The following SOX6 variants were observed in gnomAD, a reference collection of about 807,000 sequenced individuals.
The protein encoded by SOX6 is SRY-box transcription factor 6.
SOX6 carries 11 observed loss-of-function variants against 97.8 expected under a neutral mutation model. The observed-to-expected ratio is 0.11, with a 90% CI of 0.07 to 0.19. The LOEUF (loss-of-function observed/expected upper bound fraction) is 0.19. Ranked by LOEUF, SOX6 falls within the 10% of genes least tolerant of loss-of-function variation. The pLI is 1.00. For missense variants in SOX6, 810 were observed against 1,039.5 expected (o/e 0.78, Z 3.04); for synonymous variants, 360 against 371.4 (o/e 0.97, Z 0.35).
intron 4 of SOX6, among the ~76,000 whole-genome samples, chr11:16,574,677 A>G (rs1847966184): frequency 6.6e-6 from 1 of 152,214 alleles, no homozygotes; most frequent in South Asian, 2.1e-4. Flanking sequence ...CCAAAATGGA[A>G]GAAGATATCT....
intron 2 of SOX6, among the ~76,000 whole-genome samples, chr11:16,328,913 T>C (rs1459779208): frequency 6.6e-6 from 1 of 152,164 alleles, no homozygotes. Flanking sequence ...GAAGCATACA[T>C]AAATTAAAAT....
Position 16,738,408 on chromosome 11 carries a change from T to A in SOX6, n.219+17A>T, listed in dbSNP as rs371075212. ...AAGCCTCCTCCTGTGGCGACAAAGC[T>A]CTCGGCCAACGCTCACCGCCATACA... On this transcript the variant is annotated intron_variant and non_coding_transcript_variant, in intron 1 of 5. Transcript: ENST00000524520. 30 of 288,158 alleles carry A rather than the reference T, an allele frequency of 1.0e-4. No homozygotes were observed. The East Asian group carries it at 2.0e-3, about 19-fold the overall frequency. 17.9% of individuals were successfully genotyped at this position (288,158 alleles called of 1,614,324 possible).
At chr11:16,085,349 A>G (rs1848555569) in intron 9 of SOX6, among the ~76,000 whole-genome samples, 1 of 152,162 alleles carries the variant, frequency 6.6e-6, no homozygotes, top group African/African-American at 2.4e-5. Context: ...TTTAAAGCAG[A>G]CCAAGTGATA....
intron 1 of SOX6, among the ~76,000 whole-genome samples, chr11:16,382,580 T>C (rs901792978): frequency 3.9e-5 from 6 of 152,006 alleles, no homozygotes; most frequent in African/African-American, 1.4e-4. Context: ...AGAACTGCAC[T>C]GTAATGCTTT....
chr11:16,494,409 G>C (rs950874205), intron 4 of SOX6, among the ~76,000 whole-genome samples: 2 of 152,026 alleles, frequency 1.3e-5, no homozygotes, highest in Non-Finnish European at 2.9e-5. Context: ...TAAATAAAAT[G>C]AATGAGAAAG....
intron 3 of SOX6, among the ~76,000 whole-genome samples, chr11:16,242,566 T>C (rs752454956): frequency 5.3e-5 from 8 of 151,652 alleles, no homozygotes; most frequent in Non-Finnish European, 1.2e-4. Context: ...TCTATATAAA[T>C]TAGGACTTTC....
intron 6 of SOX6, among the ~76,000 whole-genome samples, chr11:16,121,625 T>C (rs139228502): frequency 2.0e-5 from 3 of 152,146 alleles, no homozygotes; most frequent in East Asian, 1.9e-4. Context: ...AACTAAAGTA[T>C]AGCAAAAATT....
At chr11:15,997,708 C>A (rs1854268152) in intron 13 of SOX6, among the ~76,000 whole-genome samples, 1 of 152,138 alleles carries the variant, frequency 6.6e-6, no homozygotes, top group Admixed American at 6.5e-5. Context: ...TTAAGAAAAA[C>A]CTACAGGTAA....
intron 1 of SOX6, among the ~76,000 whole-genome samples, chr11:16,444,649 A>G (rs1392552953): frequency 6.6e-6 from 1 of 152,218 alleles, no homozygotes; most frequent in African/African-American, 2.4e-5. Flanking sequence ...GAAAACACAT[A>G]AACTAAGAAA....
exon 2 of SOX6, chr11:16,736,356 T>A (rs1164450804): frequency 6.6e-6 from 1 of 152,234 alleles, no homozygotes; most frequent in Non-Finnish European, 1.5e-5. Context: ...CTTCTGTATA[T>A]GAAACTGAGT....
At chr11:16,721,510 CT>C (rs1848261956) in intron 2 of SOX6, among the ~76,000 whole-genome samples, 14 of 25,452 alleles carry the variant, frequency 5.5e-4, no homozygotes, top group African/African-American at 2.0e-3. Context: ...GTCTCTCTCT[CT>C]CTCTCTCTCT....
intron 4 of SOX6, among the ~76,000 whole-genome samples, chr11:16,548,625 A>T (rs1301883603): frequency 1.3e-5 from 2 of 152,218 alleles, no homozygotes; most frequent in Non-Finnish European, 2.9e-5. Context: ...CTGTATCAAA[A>T]TTAAAAATTT....
At chr11:16,222,050 C>G (rs999026344) in intron 4 of SOX6, among the ~76,000 whole-genome samples, 3 of 152,052 alleles carry the variant, frequency 2.0e-5, no homozygotes, top group Non-Finnish European at 4.4e-5. Flanking sequence ...CTCTTTAACT[C>G]CATATCAAAA....
chr11:16,230,199 GA>G (rs1206548626), intron 4 of SOX6, among the ~76,000 whole-genome samples: 1 of 151,124 alleles, frequency 6.6e-6, no homozygotes, highest in Non-Finnish European at 1.5e-5. Context: ...CAAGTCAATA[GA>G]ATATTTAATA....
At chr11:16,462,625 T>C (rs1859952298) in intron 1 of SOX6, among the ~76,000 whole-genome samples, 1 of 152,178 alleles carries the variant, frequency 6.6e-6, no homozygotes, top group Admixed American at 6.5e-5. Flanking sequence ...TATTTATTAA[T>C]AACAATGAAA....
chr11:16,506,595 C>A (rs974489034), intron 4 of SOX6, among the ~76,000 whole-genome samples: 2 of 152,172 alleles, frequency 1.3e-5, no homozygotes, highest in African/African-American at 4.8e-5. Context: ...TGAGATTTGG[C>A]AGGGGCCAAG....
At chr11:16,436,677 T>C (rs1859381934) in intron 1 of SOX6, among the ~76,000 whole-genome samples, 1 of 152,180 alleles carries the variant, frequency 6.6e-6, no homozygotes, top group African/African-American at 2.4e-5. Flanking sequence ...GGTTTTGTAA[T>C]AATAATATCT....
chr11:16,014,024 A>G (rs531490750), intron 13 of SOX6, among the ~76,000 whole-genome samples: 66 of 152,128 alleles, frequency 4.3e-4, no homozygotes, highest in African/African-American at 1.6e-3. Flanking sequence ...GTGAAGTATC[A>G]TGTTACTCCG....
intron 4 of SOX6, among the ~76,000 whole-genome samples, chr11:16,551,382 C>T (rs796371998): frequency 2.0e-4 from 30 of 151,828 alleles, no homozygotes; most frequent in African/African-American, 4.8e-4. Context: ...GTTTTAAAGA[C>T]GCTAAATTAA....
Sources: allele counts gnomAD v4.1 joint callset (sites outside exome capture counted in the v4.1 genomes callset), GRCh38; gene constraint gnomAD v4.1.1; transcripts MANE v1.5; gene names NCBI Gene and HGNC (gene_info 2026-07-23, HGNC 2026-07-21).